The following CDKN2B-AS1 variants were observed in gnomAD, a reference collection of about 807,000 sequenced individuals.
The protein encoded by CDKN2B-AS1 is CDKN2B antisense RNA 1 (non-protein coding).
At chr9:22,042,803 A>G (rs891979465) in intron 1 of CDKN2B-AS1, among the ~76,000 whole-genome samples, 3 of 152,126 alleles carry the variant, frequency 2.0e-5, no homozygotes, top group Admixed American at 2.0e-4. Flanking sequence ...GTTCCTGCAA[A>G]AGTTTCTTGA....
chr9:22,082,007 T>C (rs769916522), intron 4 of CDKN2B-AS1, among the ~76,000 whole-genome samples: 8 of 152,234 alleles, frequency 5.3e-5, no homozygotes, highest in Non-Finnish European at 1.0e-4. Flanking sequence ...CAAGTTTTAC[T>C]CCCTGATAAA....
rs1391036265 is a variant in CDKN2B-AS1, at chr9:21,996,331, C to T, written n.29+1170C>T. Among the ~76,000 whole-genome samples, 2 of 152,114 alleles carry T rather than the reference C, an allele frequency of 1.3e-5. No homozygotes were observed. The highest frequency in any genetic ancestry group is 6.5e-5 in the Admixed American group (1 of 15,276). The stretch of plus-strand genomic sequence containing the variant: ...ATCTAGATATTTACAAATGCACCTC[C>T]CCGGTAGGTAGATTTCACTCAGAAT... On this transcript the variant is annotated intron_variant and non_coding_transcript_variant, in intron 1 of 4. Transcript: ENST00000650946. This position sits in a 1 kb window ranked among gnomAD's most constrained non-coding sequence, Gnocchi z 5.4.
chr9:22,088,414 C>T (rs911382096), intron 4 of CDKN2B-AS1, among the ~76,000 whole-genome samples: 4 of 148,874 alleles, frequency 2.7e-5, no homozygotes, highest in Non-Finnish European at 5.9e-5. Context: ...GGAGAATGCA[C>T]AATTGCACAC....
intron 1 of CDKN2B-AS1, among the ~76,000 whole-genome samples, chr9:22,043,082 C>T (rs753785007): frequency 6.6e-6 from 1 of 151,936 alleles, no homozygotes; most frequent in Non-Finnish European, 1.5e-5. Flanking sequence ...GCTATCAGGT[C>T]TGTATTTTAT....
At chr9:22,025,179 C>G (rs1416554963) in intron 1 of CDKN2B-AS1, among the ~76,000 whole-genome samples, 1 of 152,136 alleles carries the variant, frequency 6.6e-6, no homozygotes, top group South Asian at 2.1e-4. Context: ...TGTGGGTCAG[C>G]AATCATTCAG....
At chr9:22,110,026 T>C (rs1317383688) in intron 4 of CDKN2B-AS1, among the ~76,000 whole-genome samples, 2 of 152,172 alleles carry the variant, frequency 1.3e-5, no homozygotes, top group Non-Finnish European at 2.9e-5. Flanking sequence ...CTTCCCTGAA[T>C]GTTAGCTTCT....
intron 4 of CDKN2B-AS1, among the ~76,000 whole-genome samples, chr9:22,079,219 C>T (rs190062631): frequency 1.3e-5 from 2 of 152,202 alleles, no homozygotes; most frequent in Admixed American, 6.5e-5. Context: ...TGCAGTGGCT[C>T]ACGCCTGTAA....
intron 1 of CDKN2B-AS1, chr9:22,029,313 G>C (rs531791192): frequency 2.9e-6 from 2 of 682,856 alleles, no homozygotes; most frequent in East Asian, 5.1e-5. Flanking sequence ...TATCAAATAG[G>C]AGAGCCTGAT....
chr9:22,075,062 T>C (rs891119404), intron 4 of CDKN2B-AS1, among the ~76,000 whole-genome samples: 7 of 152,272 alleles, frequency 4.6e-5, no homozygotes, highest in African/African-American at 1.7e-4. Context: ...ATATACAGTT[T>C]CTTCTTTAAA....
At chr9:22,099,031 G>T (rs370711535) in intron 4 of CDKN2B-AS1, among the ~76,000 whole-genome samples, 1 of 152,228 alleles carries the variant, frequency 6.6e-6, no homozygotes. Flanking sequence ...TAAGCACAAT[G>T]AGGGTGTTAG....
At chr9:22,052,090 A>G (rs1370936413) in intron 3 of CDKN2B-AS1, among the ~76,000 whole-genome samples, 1 of 152,188 alleles carries the variant, frequency 6.6e-6, no homozygotes, top group African/African-American at 2.4e-5. Context: ...TGACTTCCCT[A>G]CAACCTTGTA....
At chr9:22,079,222 G>A (rs925637402) in intron 4 of CDKN2B-AS1, among the ~76,000 whole-genome samples, 2 of 152,186 alleles carry the variant, frequency 1.3e-5, no homozygotes, top group South Asian at 2.1e-4. Flanking sequence ...AGTGGCTCAC[G>A]CCTGTAATCC....
At chr9:22,080,868 A>G (rs1472043066) in intron 4 of CDKN2B-AS1, among the ~76,000 whole-genome samples, 1 of 152,252 alleles carries the variant, frequency 6.6e-6, no homozygotes, top group Non-Finnish European at 1.5e-5. Flanking sequence ...AACTATTCCA[A>G]AAGTACTATG....
intron 4 of CDKN2B-AS1, among the ~76,000 whole-genome samples, chr9:22,065,477 G>A (rs989495223): frequency 2.6e-5 from 4 of 152,300 alleles, no homozygotes; most frequent in Admixed American, 6.5e-5. Flanking sequence ...TAACCAAGAT[G>A]TATTAATACC....
chr9:22,074,911 T>G (rs1391011674), intron 4 of CDKN2B-AS1, among the ~76,000 whole-genome samples: 1 of 152,242 alleles, frequency 6.6e-6, no homozygotes, highest in African/African-American at 2.4e-5. Flanking sequence ...CATTCTAGGC[T>G]ATTGTTTCTC....
intron 4 of CDKN2B-AS1, among the ~76,000 whole-genome samples, chr9:22,114,658 G>C (rs1334357552): frequency 6.6e-6 from 1 of 152,248 alleles, no homozygotes; most frequent in Non-Finnish European, 1.5e-5. Flanking sequence ...GCTGTGCTTA[G>C]TAATTGGCTG....
chr9:22,035,533 T>C (rs1336801383), intron 1 of CDKN2B-AS1, among the ~76,000 whole-genome samples: 6 of 152,148 alleles, frequency 3.9e-5, no homozygotes, highest in Admixed American at 3.9e-4. Context: ...CTGGTGGCCC[T>C]GTGAGTGGGA....
intron 4 of CDKN2B-AS1, among the ~76,000 whole-genome samples, chr9:22,079,389 G>A (rs1824615812): frequency 6.6e-6 from 1 of 152,090 alleles, no homozygotes; most frequent in Admixed American, 6.5e-5. Context: ...TCGGGAGGCT[G>A]AGGCAGGAGA....
At chr9:22,074,742 C>A (rs1349833447) in intron 4 of CDKN2B-AS1, among the ~76,000 whole-genome samples, 2 of 152,156 alleles carry the variant, frequency 1.3e-5, no homozygotes, top group Non-Finnish European at 2.9e-5. Context: ...GGCACTGATT[C>A]CAGGCAAGTG....
Sources: allele counts gnomAD v4.1 joint callset (sites outside exome capture counted in the v4.1 genomes callset), GRCh38; gene constraint gnomAD v4.1.1; non-coding constraint Gnocchi (gnomAD v3.1); transcripts MANE v1.5; gene names NCBI Gene and HGNC (gene_info 2026-07-23, HGNC 2026-07-21).